DAB1: variants seen among roughly 807,000 people sequenced by gnomAD.
DAB1 encodes disabled homolog 1.
Under a neutral mutation model 64.6 loss-of-function variants are expected in DAB1, and 15 were observed. The observed-to-expected ratio is 0.23, with a 90% CI of 0.16 to 0.36. The LOEUF is 0.36. DAB1 is among the 10% of genes least tolerant of loss of function. DAB1 has a pLI of 1.00. For missense variants in DAB1, 596 were observed against 706.7 expected (o/e 0.84, Z 1.78); for synonymous variants, 235 against 251.9 (o/e 0.93, Z 0.64).
At chr1:57,500,300 C>G (rs1054528463) in intron 7 of DAB1, among the ~76,000 whole-genome samples, 1 of 152,146 alleles carries the variant, frequency 6.6e-6, no homozygotes, top group Admixed American at 6.5e-5. Flanking sequence ...ACGGCAGGAG[C>G]CTTAACACAG....
chr1:57,743,847 T>C (rs1648126028), intron 6 of DAB1, among the ~76,000 whole-genome samples: 1 of 152,236 alleles, frequency 6.6e-6, no homozygotes, highest in African/African-American at 2.4e-5. Flanking sequence ...AAAGCAGTCA[T>C]TAGCATTGTT....
At chr1:58,490,460 A>G (rs371479905) in intron 3 of DAB1, among the ~76,000 whole-genome samples, 7 of 152,166 alleles carry the variant, frequency 4.6e-5, no homozygotes, top group African/African-American at 9.7e-5. Flanking sequence ...CCAAATCTAC[A>G]TCTGATTGGT....
intron 4 of DAB1, among the ~76,000 whole-genome samples, chr1:58,202,222 A>G (rs1658035602): frequency 6.6e-6 from 1 of 152,240 alleles, no homozygotes; most frequent in South Asian, 2.1e-4. Context: ...TTGTTACTTA[A>G]TCAATGCCTT....
chr1:57,829,126 T>C (rs906009152), intron 1 of DAB1, among the ~76,000 whole-genome samples: 4 of 152,206 alleles, frequency 2.6e-5, no homozygotes, highest in Admixed American at 2.6e-4. Context: ...TAGCCTTAAC[T>C]GACAGGCACA....
chr1:57,561,316 G>A (rs1645048199), intron 7 of DAB1, among the ~76,000 whole-genome samples: 1 of 152,192 alleles, frequency 6.6e-6, no homozygotes. Flanking sequence ...CAGCAGTGAA[G>A]GGCAATCTTC....
intron 7 of DAB1, among the ~76,000 whole-genome samples, chr1:57,443,260 AG>A (rs922165798): frequency 1.3e-5 from 2 of 152,184 alleles, no homozygotes; most frequent in African/African-American, 4.8e-5. Flanking sequence ...ATGTGTTTGT[AG>A]TAGGAAGCCC....
At chr1:57,143,826 C>T (rs951129189) in intron 3 of DAB1, among the ~76,000 whole-genome samples, 1 of 148,548 alleles carries the variant, frequency 6.7e-6, no homozygotes, top group Non-Finnish European at 1.5e-5. Context: ...ACCTAACAAG[C>T]TTTTTTTTTT....
chr1:58,375,585 G>A (rs1644316076), intron 3 of DAB1, among the ~76,000 whole-genome samples: 1 of 149,502 alleles, frequency 6.7e-6, no homozygotes, highest in Non-Finnish European at 1.5e-5. Flanking sequence ...CAGTTTGCCA[G>A]TATTTTATTG....
In DAB1 at chr1:57,020,016, T is replaced by C. The variant is rs558746580; in HGVS notation, c.895+3515A>G. The stretch of plus-strand genomic sequence containing the variant: ...TATGACATCTCTTATCTACATTATC[T>C]CATTTGATGGATTCATTCATTCAAA... On this transcript the variant is annotated intron_variant, in intron 11 of 14. Coordinates refer to ENST00000371236, the MANE Select transcript of DAB1 (RefSeq NM_001365792.1). 7.2e-5 allele frequency among the ~76,000 whole-genome samples: 11 copies of C among 152,306 alleles called. 1 individual carries two copies. The highest frequency in any genetic ancestry group is 6.2e-4 in the South Asian group (3 of 4,830).
intron 5 of DAB1, among the ~76,000 whole-genome samples, chr1:58,137,816 A>C (rs941398804): frequency 1.3e-5 from 2 of 152,192 alleles, no homozygotes; most frequent in African/African-American, 4.8e-5. Flanking sequence ...AAGTGTCACA[A>C]ATAGAGAACA....
intron 5 of DAB1, among the ~76,000 whole-genome samples, chr1:57,966,185 T>C (rs1024169333): frequency 2.0e-5 from 3 of 152,188 alleles, no homozygotes; most frequent in Non-Finnish European, 4.4e-5. Context: ...TATCGGTCTG[T>C]CTTGATCAGA....
intron 4 of DAB1, among the ~76,000 whole-genome samples, chr1:58,269,098 T>C (rs1661247807): frequency 6.6e-6 from 1 of 150,922 alleles, no homozygotes. Flanking sequence ...TGTGCCATGC[T>C]GGTGCGCTGC....
At chr1:57,136,227 T>C (rs1658070057) in intron 4 of DAB1, among the ~76,000 whole-genome samples, 1 of 152,196 alleles carries the variant, frequency 6.6e-6, no homozygotes, top group African/African-American at 2.4e-5. Flanking sequence ...GTCATTAAAG[T>C]TGCCAACGCA....
intron 7 of DAB1, among the ~76,000 whole-genome samples, chr1:57,571,676 G>T (rs1035654115): frequency 2.0e-5 from 3 of 152,192 alleles, no homozygotes; most frequent in African/African-American, 7.2e-5. Context: ...GGTGACAAAG[G>T]CATTGGGAGA....
chr1:57,570,510 C>A (rs568869366), intron 7 of DAB1, among the ~76,000 whole-genome samples: 1 of 152,108 alleles, frequency 6.6e-6, no homozygotes, highest in South Asian at 2.1e-4. Flanking sequence ...ATTCTGGGTT[C>A]TCTTTCTGTT....
intron 6 of DAB1, among the ~76,000 whole-genome samples, chr1:57,748,084 C>G (rs1035757032): frequency 6.6e-6 from 1 of 152,174 alleles, no homozygotes; most frequent in Non-Finnish European, 1.5e-5. Flanking sequence ...AGAGATTTTA[C>G]TCCTAAGACA....
intron 2 of DAB1, among the ~76,000 whole-genome samples, chr1:57,222,732 T>C (rs1666976107): frequency 6.6e-6 from 1 of 152,132 alleles, no homozygotes; most frequent in Non-Finnish European, 1.5e-5. Flanking sequence ...ACGAGACCCA[T>C]TGTCATAGGG....
intron 4 of DAB1, among the ~76,000 whole-genome samples, chr1:58,276,862 G>A (rs946977749): frequency 2.0e-5 from 3 of 151,930 alleles, no homozygotes; most frequent in Non-Finnish European, 2.9e-5. Context: ...TGTAGATCAC[G>A]AGATCATGAC....
intron 7 of DAB1, among the ~76,000 whole-genome samples, chr1:57,438,452 G>T (rs561872545): frequency 2.0e-5 from 3 of 152,212 alleles, no homozygotes; most frequent in African/African-American, 7.2e-5. Flanking sequence ...TCTTCCTTGG[G>T]TGCTGTGGGG....
Sources: allele counts gnomAD v4.1 joint callset (sites outside exome capture counted in the v4.1 genomes callset), GRCh38; gene constraint gnomAD v4.1.1; transcripts MANE v1.5; gene names NCBI Gene and HGNC (gene_info 2026-07-23, HGNC 2026-07-21).